ZMAT1: variants seen among roughly 807,000 people sequenced by gnomAD.
The protein encoded by ZMAT1 is zinc finger matrin-type protein 1.
ZMAT1 carries 11 observed loss-of-function variants against 18.5 expected under a neutral mutation model. The ratio of observed to expected loss-of-function variants is 0.59; its 90% confidence interval spans 0.37 to 0.98. The LOEUF (loss-of-function observed/expected upper bound fraction) is 0.98, where lower values mean the gene tolerates loss of function less well. Ranked by LOEUF, ZMAT1 falls within the 50% of genes least tolerant of loss-of-function variation. The pLI is 0.01. For synonymous variants in ZMAT1, 211 were observed against 176.4 expected, an observed-to-expected ratio of 1.20 and a Z score of -1.55; for missense variants, 525 against 496.2, an observed-to-expected ratio of 1.06 and a Z score of -0.55.
rs759970535 is a variant in ZMAT1 at position 101,883,379 on chromosome X, A to T, written c.*131T>A. ...ATTCAATTTAAATTTTTATACAAAA[A>T]AAACCTAAGTGTCCTGAAGTGACAC... On this transcript the variant is annotated 3_prime_UTR_variant, in exon 6 of 6. Transcript: ENST00000651725. 2.1e-4 allele frequency: 90 copies of T among 431,643 alleles called. No homozygotes were observed. Among genetic ancestry groups the T allele is most frequent in the Middle Eastern group, 7.7e-4 (1 of 1,291 alleles). 35.6% of individuals were successfully genotyped at this position (431,643 alleles called of 1,213,427 possible).
intron 2 of ZMAT1, among the ~76,000 whole-genome samples, chrX:101,902,230 T>C (rs768675004): frequency 8.9e-6 from 1 of 112,014 alleles, no homozygotes; most frequent in Admixed American, 9.5e-5. Flanking sequence ...TGATCACTAG[T>C]GAAGCTGAGT....
At chrX:101,892,613 T>C in intron 4 of ZMAT1, 1 of 222,495 alleles carries the variant, frequency 4.5e-6, no homozygotes, top group Non-Finnish European at 6.5e-6. Context: ...TGTTGAGTTA[T>C]AGGTGAAGGT....
chrX:101,896,564 T>A (rs1478408651), intron 4 of ZMAT1, among the ~76,000 whole-genome samples: 1 of 112,485 alleles, frequency 8.9e-6, no homozygotes, highest in Non-Finnish European at 1.9e-5. Flanking sequence ...ATAACATATC[T>A]TGTGGCATTG....
rs1926542658 is a variant in ZMAT1 at position 101,882,477 on chromosome X, A to G, written c.*1033T>C. The G allele has an allele frequency of 8.9e-6, 1 of 112,055 alleles. No homozygotes were observed. The highest frequency in any genetic ancestry group is 1.9e-5 in the Non-Finnish European group (1 of 53,028). The allele number at this position is 112,055 out of a possible 1,213,427, so 9.2% of individuals were successfully genotyped here. A position where few individuals can be genotyped will look rare whatever the true frequency, so the allele number is the denominator to read the frequency against. On this transcript the variant is annotated 3_prime_UTR_variant, in exon 6 of 6. Coordinates refer to ENST00000651725, the MANE Select transcript of ZMAT1 (RefSeq NM_001394560.1). Reference sequence around the variant, plus strand: ...GATTTAACAAAGAAAAAATCAGTTTAAGTTATTTCATACATATTCCTTGGA... The same window carrying G: ...GATTTAACAAAGAAAAAATCAGTTTGAGTTATTTCATACATATTCCTTGGA...
intron 2 of ZMAT1, among the ~76,000 whole-genome samples, chrX:101,898,961 T>A (rs925512567): frequency 9.0e-6 from 1 of 110,543 alleles, no homozygotes; most frequent in African/African-American, 3.3e-5. Flanking sequence ...GGCAGGAGAA[T>A]CACTTGAACC....
chrX:101,930,361 A>C (rs1486076894), intron 1 of ZMAT1, among the ~76,000 whole-genome samples: 1 of 112,586 alleles, frequency 8.9e-6, no homozygotes, highest in Non-Finnish European at 1.9e-5. Flanking sequence ...GGAGTCTTTC[A>C]AAGGTTGACT....
rs759509729 is a variant in ZMAT1, at chrX:101,884,366, T to C, written c.1232A>G (p.Gln411Arg). ...DSGPRSRMCE[Q>R]RFSHEASQTY... ...CTGGGAAGCCTCATGTGAAAATCTT[T>C]GCTCACACATTCTTGATCTGGGTCC... is the stretch of plus-strand genomic sequence containing the variant. Residue 411 changes from glutamine to arginine, a missense_variant, in exon 6 of 6, where the codon CAA (glutamine) becomes CGA (arginine). Physicochemically the swap from Gln to Arg is conservative, Grantham distance 43. Transcript: ENST00000651725. 11 of 1,209,273 alleles carry C rather than the reference T, an allele frequency of 9.1e-6. No individual in the cohort carries two copies. The African/African-American group carries it at 1.8e-4, about 19-fold the overall frequency.
intron 4 of ZMAT1, among the ~76,000 whole-genome samples, chrX:101,893,533 A>G (rs1244233351): frequency 1.8e-5 from 2 of 111,819 alleles, no homozygotes; most frequent in Non-Finnish European, 3.8e-5. Flanking sequence ...AAAACAGGAT[A>G]AGCACTCAAC....
chrX:101,925,107 C>T (rs1929976510), intron 1 of ZMAT1, among the ~76,000 whole-genome samples: 2 of 112,140 alleles, frequency 1.8e-5, no homozygotes, highest in African/African-American at 6.5e-5. Context: ...CAGAGTCAAC[C>T]TGCTGCTCAG....
chrX:101,897,401 A>G (rs1273470169), intron 4 of ZMAT1, among the ~76,000 whole-genome samples: 2 of 105,377 alleles, frequency 1.9e-5, no homozygotes, highest in African/African-American at 6.9e-5. Flanking sequence ...ATGACGAGTT[A>G]GTGGGTGCAG....
chrX:101,898,563 C>G (rs1419526859), intron 2 of ZMAT1, among the ~76,000 whole-genome samples: 2 of 111,800 alleles, frequency 1.8e-5, no homozygotes, highest in African/African-American at 6.5e-5. Flanking sequence ...TAACTAGATT[C>G]TGGTCAATAA....
rs1928441544 is a variant in ZMAT1, at chrX:101,904,228, T to C, written c.395A>G (p.Tyr132Cys). Reference protein sequence around the residue: ...LQFESQRISHYEGEKHAQNVS... With the variant: ...LQFESQRISHCEGEKHAQNVS... ...CTTCCATTATTTTTAACCTACCTCA[T>C]AATGTGAAATTCTTTGTGATTCAAA... Residue 132 changes from tyrosine (Y) to cysteine (C), a missense_variant, in exon 2 of 6, where the codon TAT (tyrosine) becomes TGT (cysteine). Physicochemically the swap from Tyr to Cys is radical, Grantham distance 194 (BLOSUM62 -2). Transcript: ENST00000651725. The C allele has an allele frequency of 1.7e-6, 2 of 1,189,159 alleles. No individual in the cohort carries two copies. Among genetic ancestry groups the C allele is most frequent in the Non-Finnish European group, 2.3e-6 (2 of 884,093 alleles).
intron 1 of ZMAT1, among the ~76,000 whole-genome samples, chrX:101,916,364 T>C (rs1425252686): frequency 3.6e-5 from 4 of 111,430 alleles, no homozygotes; most frequent in African/African-American, 1.3e-4. Flanking sequence ...GTAACAAACC[T>C]ACATGTTCTG....
chrX:101,925,056 A>G (rs970961376), intron 1 of ZMAT1, among the ~76,000 whole-genome samples: 2 of 112,324 alleles, frequency 1.8e-5, no homozygotes, highest in African/African-American at 6.5e-5. Context: ...AAAATAAAAG[A>G]TAAAAGCATC....
chrX:101,916,927 A>T (rs1258166348), intron 1 of ZMAT1, among the ~76,000 whole-genome samples: 1 of 112,112 alleles, frequency 8.9e-6, no homozygotes, highest in Non-Finnish European at 1.9e-5. Flanking sequence ...GGTGCCAAGG[A>T]CATAATCTGG....
At chrX:101,898,752 G>A (rs1305586841) in intron 2 of ZMAT1, among the ~76,000 whole-genome samples, 1 of 111,791 alleles carries the variant, frequency 8.9e-6, no homozygotes, top group South Asian at 3.7e-4. Context: ...CATCAGAGCA[G>A]AAAGACAGAA....
At chrX:101,926,732 C>T (rs759924348) in intron 1 of ZMAT1, among the ~76,000 whole-genome samples, 1 of 112,199 alleles carries the variant, frequency 8.9e-6, no homozygotes, top group Non-Finnish European at 1.9e-5. Flanking sequence ...ATATAACTGG[C>T]TATATTTAAT....
chrX:101,895,219 A>C (rs765926577), intron 4 of ZMAT1, among the ~76,000 whole-genome samples: 2 of 111,796 alleles, frequency 1.8e-5, no homozygotes, highest in Admixed American at 1.9e-4. Context: ...TATTCCCAAG[A>C]GTGACTAGCC....
rs141908807 is a variant in ZMAT1 at position 101,883,640 on chromosome X, C to A, written c.1958G>T (p.Arg653Leu). 1 of 1,207,176 alleles carries A rather than the reference C, an allele frequency of 8.3e-7. No homozygotes were observed. Among genetic ancestry groups the A allele is most frequent in the Non-Finnish European group, 1.1e-6 (1 of 894,017 alleles). ...TACATCATGGCTTTTTTTCTTTTTT[C>A]GATGCTTAAGCTTTCCTGAACTGAC... is the stretch of plus-strand genomic sequence containing the variant. ...VKVSSGKLKH[R>L]KKKKSHDVPS... The change falls in exon 6 of 6, where the codon CGA (arginine) becomes CTA (leucine). Residue 653 changes from arginine to leucine, a missense_variant. Physicochemically the swap from Arg to Leu is moderately radical, Grantham distance 102 (BLOSUM62 -2). Coordinates refer to ENST00000651725, the MANE Select transcript of ZMAT1 (RefSeq NM_001394560.1).
Sources: gnomAD v4.1 joint callset for allele counts (sites outside exome capture counted in the v4.1 genomes callset) on GRCh38, gnomAD v4.1.1 for gene constraint, MANE v1.5 for transcripts, NCBI Gene and HGNC (gene_info 2026-07-23, HGNC 2026-07-21) for gene names.